The following IL10RB variants were observed in gnomAD, a reference collection of about 807,000 sequenced individuals.
IL10RB encodes interleukin 10 receptor subunit beta.
IL10RB carries 30 observed loss-of-function variants against 38.7 expected under a neutral mutation model. That is an observed-to-expected ratio of 0.78 (90% CI 0.58 to 1.05). The LOEUF (loss-of-function observed/expected upper bound fraction) is 1.05, where lower values mean the gene tolerates loss of function less well. Among genes scored for constraint, IL10RB ranks in the 50% least tolerant of loss-of-function variants. IL10RB has a pLI of 0.00. For synonymous variants in IL10RB, 142 were observed against 145.9 expected (o/e 0.97, Z 0.19); for missense variants, 328 against 397.1 (o/e 0.83, Z 1.48).
At chr21:33,288,282 T>C in intron 6 of IL10RB, 21 bp downstream of exon 6, 2 of 1,610,820 alleles carry the variant, frequency 1.2e-6, no homozygotes, top group African/African-American at 2.7e-5. Context: ...TGGAGTGAGA[T>C]GTGGATTTGA....
At chr21:33,304,893 A>G (rs571060511) in intron 1 of IL10RB, among the ~76,000 whole-genome samples, 31 of 152,356 alleles carry the variant, frequency 2.0e-4, no homozygotes, top group African/African-American at 6.5e-4. Context: ...TGTACTATCA[A>G]GATAAGACAT....
At chr21:33,300,302 G>A (rs9976879), downstream of IL10RB, among the ~76,000 whole-genome samples, 2 of 151,684 alleles carry the variant, frequency 1.3e-5, no homozygotes, top group Non-Finnish European at 2.9e-5. Context: ...TTAGCCAGGC[G>A]TGGTGGCAGG....
chr21:33,290,274 C>T (rs948898422), intron 6 of IL10RB, among the ~76,000 whole-genome samples: 4 of 151,746 alleles, frequency 2.6e-5, no homozygotes, highest in African/African-American at 4.8e-5. Context: ...AGCAACAGAG[C>T]GAGACTCCAT....
chr21:33,276,872 A>G, intron 3 of IL10RB, 119 bp downstream of exon 3: 3 of 756,688 alleles, frequency 4.0e-6, no homozygotes, highest in Non-Finnish European at 4.6e-6. Context: ...GCCTTGCACA[A>G]GGAGCTTAAG....
At chr21:33,288,071 A>G in intron 5 of IL10RB, 33 bp from the exon 6 acceptor site, 1 of 1,610,994 alleles carries the variant, frequency 6.2e-7, no homozygotes, top group Non-Finnish European at 8.5e-7. Flanking sequence ...CCGACCTGTG[A>G]CAAGAATGTA....
At chr21:33,295,074 C>T (rs2082958188) in intron 6 of IL10RB, among the ~76,000 whole-genome samples, 1 of 152,190 alleles carries the variant, frequency 6.6e-6, no homozygotes, top group South Asian at 2.1e-4. Flanking sequence ...TTTAAAAAGT[C>T]CAAAGATTGG....
chr21:33,280,177 A>G (rs2123579662), intron 4 of IL10RB, among the ~76,000 whole-genome samples: 1 of 152,364 alleles, frequency 6.6e-6, no homozygotes, highest in South Asian at 2.1e-4. Flanking sequence ...CAGTTGAGTC[A>G]GAGTTAGCTA....
downstream of IL10RB, among the ~76,000 whole-genome samples, chr21:33,300,781 C>G (rs1237229079): frequency 6.6e-6 from 1 of 152,158 alleles, no homozygotes; most frequent in Non-Finnish European, 1.5e-5. Flanking sequence ...CCTCACCAGA[C>G]ACTCAATCTG....
chr21:33,308,907 G>A (rs1408974779), intron 1 of IL10RB: 1 of 152,214 alleles, frequency 6.6e-6, no homozygotes, highest in East Asian at 1.9e-4. Flanking sequence ...GCCTTTAAGG[G>A]TGCATAAGGT....
At chr21:33,307,302 CCAT>C (rs1040221043) in intron 1 of IL10RB, among the ~76,000 whole-genome samples, 66 of 152,208 alleles carry the variant, frequency 4.3e-4, no homozygotes, top group African/African-American at 1.5e-3. Flanking sequence ...ATCAAAGCAA[CCAT>C]AATACTATCA....
At chr21:33,292,624 C>T (rs1989511326) in intron 6 of IL10RB, among the ~76,000 whole-genome samples, 1 of 152,104 alleles carries the variant, frequency 6.6e-6, no homozygotes, top group African/African-American at 2.4e-5. Flanking sequence ...TCTGCCGGGA[C>T]CCCATAGCGT....
At chr21:33,267,200 G>A (rs1471412315) in intron 1 of IL10RB, among the ~76,000 whole-genome samples, 4 of 151,920 alleles carry the variant, frequency 2.6e-5, no homozygotes, top group Non-Finnish European at 4.4e-5. Context: ...ATACCCCTCC[G>A]GTTTCCCGCC....
intron 5 of IL10RB, among the ~76,000 whole-genome samples, chr21:33,283,858 T>TCTGAGAAAAC (rs1463333997): frequency 6.6e-6 from 1 of 152,134 alleles, no homozygotes; most frequent in African/African-American, 2.4e-5. Context: ...CACATTGCAG[T>TCTGAGAAAAC]TGCATGTTGG....
Position 33,296,816 on chromosome 21 carries a change from C to T in IL10RB, c.*459C>T, listed in dbSNP as rs982539338. On this transcript the variant is annotated 3_prime_UTR_variant, in exon 7 of 7. Coordinates refer to ENST00000290200, the MANE Select transcript of IL10RB (RefSeq NM_000628.5). ...TACAAAAATTAGCTAGGCATGATGG[C>T]GCATGCCTATAATCCCAGCTACTCG... 20 of 341,406 alleles carry T rather than the reference C, an allele frequency of 5.9e-5. No homozygotes were observed. The highest frequency in any genetic ancestry group is 1.1e-4 in the African/African-American group (5 of 46,412). The allele number at this position is 341,406 out of a possible 1,614,324, so 21.1% of individuals were successfully genotyped here.
chr21:33,304,910 A>G (rs2082995184), intron 1 of IL10RB, among the ~76,000 whole-genome samples: 2 of 152,218 alleles, frequency 1.3e-5, no homozygotes, highest in South Asian at 4.1e-4. Flanking sequence ...ACATTCAAAC[A>G]GCGTTATTTT....
chr21:33,276,261 A>G (rs1481419880), intron 2 of IL10RB, among the ~76,000 whole-genome samples: 8 of 152,250 alleles, frequency 5.3e-5, no homozygotes, highest in Non-Finnish European at 1.2e-4. Flanking sequence ...GTCATTATGC[A>G]GCACATGACT....
chr21:33,301,258 C>T (rs2082985183), downstream of IL10RB, among the ~76,000 whole-genome samples: 1 of 152,152 alleles, frequency 6.6e-6, no homozygotes, highest in South Asian at 2.1e-4. Flanking sequence ...TGATTTTTCT[C>T]CCTGAGTCAG....
At position 33,268,393 on chromosome 21, in the gene IL10RB, G is replaced by C; in HGVS notation, c.50-1G>C. 3 of 1,614,010 alleles carry C rather than the reference G, an allele frequency of 1.9e-6. No homozygotes were observed. The highest frequency in any genetic ancestry group is 2.5e-6 in the Non-Finnish European group (3 of 1,179,836). On this transcript the variant is annotated splice_acceptor_variant, in intron 1 of 6. Coordinates refer to ENST00000290200, the MANE Select transcript of IL10RB (RefSeq NM_000628.5). LOFTEE classifies it high-confidence loss of function. ...TAAATGTTTTTGTCTTATTTTCATA[G>C]CATTGGGAATGGTACCACCTCCCGA...
chr21:33,295,114 C>T (rs889510434), intron 6 of IL10RB, among the ~76,000 whole-genome samples: 8 of 151,996 alleles, frequency 5.3e-5, no homozygotes, highest in Non-Finnish European at 1.0e-4. Flanking sequence ...GCCTGTAATC[C>T]CAGCATTTTG....
Sources: allele counts gnomAD v4.1 joint callset (sites outside exome capture counted in the v4.1 genomes callset), GRCh38; gene constraint gnomAD v4.1.1; transcripts MANE v1.5; gene names NCBI Gene and HGNC (gene_info 2026-07-23, HGNC 2026-07-21).